The following NDE1 variants were observed in gnomAD, a reference collection of about 807,000 sequenced individuals.
NDE1 encodes the protein nuclear distribution protein nudE homolog 1.
A neutral mutation model predicts 43.4 loss-of-function variants in NDE1; 28 were observed. That is an observed-to-expected ratio of 0.65 (90% CI 0.48 to 0.89). NDE1 has a LOEUF of 0.89. Ranked by LOEUF, NDE1 falls within the 40% of genes least tolerant of loss-of-function variation. The probability of loss-of-function intolerance (pLI) is 0.00; values close to 1 mark genes in which losing one functional copy is unlikely to be tolerated. For synonymous variants in NDE1, 184 were observed against 172.0 expected, an observed-to-expected ratio of 1.07 and a Z score of -0.55; for missense variants, 441 against 434.1, an observed-to-expected ratio of 1.02 and a Z score of -0.14.
rs1567700180 is a variant in NDE1 at position 15,724,557 on chromosome 16, C to A, written c.*306C>A. On this transcript the variant is annotated 3_prime_UTR_variant, in exon 9 of 9. Coordinates refer to ENST00000396354, the MANE Select transcript of NDE1 (RefSeq NM_017668.3). ...AGCTGGGGGGTCAAGCACCATCGCA[C>A]CAACACTCCACCGCGATCTGCCTGC... 6.2e-7 allele frequency: 1 copy of A among 1,608,502 alleles called. No homozygotes were observed.
intron 8 of NDE1, among the ~76,000 whole-genome samples, chr16:15,707,970 AAAAAAAAAAG>A (rs1463339109): frequency 3.3e-5 from 5 of 151,500 alleles, no homozygotes; most frequent in African/African-American, 9.8e-5. Flanking sequence ...AAAAAAAAAA[AAAAAAAAAAG>A]CAAAATCCCA....
In NDE1 at chr16:15,725,048, A is replaced by C. The variant is rs1384455578; in HGVS notation, c.*797A>C. ...GCCTCTAGAAGGGGATCCTCGTTGA[A>C]AGGAGCCCTTTTTACTCAAAACACA... On this transcript the variant is annotated 3_prime_UTR_variant, in exon 9 of 9. Transcript: ENST00000396354. 4.7e-6 allele frequency: 7 copies of C among 1,482,566 alleles called. No homozygotes were observed. Among genetic ancestry groups the C allele is most frequent in the Non-Finnish European group, 6.5e-6 (7 of 1,072,166 alleles). The allele number at this position is 1,482,566 out of a possible 1,614,324, so 91.8% of individuals were successfully genotyped here.
chr16:15,655,734 G>GA (rs1433950075), intron 1 of NDE1, among the ~76,000 whole-genome samples: 1 of 152,000 alleles, frequency 6.6e-6, no homozygotes, highest in African/African-American at 2.4e-5. Context: ...CAACCCAAAT[G>GA]TCCAGCAATG....
Position 15,650,347 on chromosome 16 carries a change from C to T in NDE1, c.-44+53C>T, listed in dbSNP as rs573049840. The T allele has an allele frequency of 1.8e-3, 402 of 224,642 alleles. 5 individuals are homozygous for T. Among genetic ancestry groups the T allele is most frequent in the African/African-American group, 8.7e-3 (369 of 42,174 alleles). 13.9% of individuals were successfully genotyped at this position (224,642 alleles called of 1,614,324 possible). Reference sequence around the variant, plus strand: ...GTCGGGGTGGCTGTCCGGGGACCTCCACCGCGGCTGAAAAGCTCCTCTGCC... The same window carrying T: ...GTCGGGGTGGCTGTCCGGGGACCTCTACCGCGGCTGAAAAGCTCCTCTGCC... On this transcript the variant is annotated intron_variant, in intron 1 of 8. Coordinates refer to ENST00000396354, the MANE Select transcript of NDE1 (RefSeq NM_017668.3).
chr16:15,687,091 T>TC, intron 4 of NDE1: 1 of 1,293,470 alleles, frequency 7.7e-7, no homozygotes. Flanking sequence ...CCACATGCAG[T>TC]CCTGATAGGG....
chr16:15,696,418 G>A (rs1374298923), intron 7 of NDE1, among the ~76,000 whole-genome samples: 1 of 151,318 alleles, frequency 6.6e-6, no homozygotes, highest in Non-Finnish European at 1.5e-5. Flanking sequence ...ATCTTACTTT[G>A]TGGCCCAGGC....
At chr16:15,696,937 C>A in intron 8 of NDE1, 77 bp downstream of exon 8, 1 of 1,580,506 alleles carries the variant, frequency 6.3e-7, no homozygotes, top group African/African-American at 1.4e-5. Flanking sequence ...ACCCCCAGCC[C>A]ACAGCCATGT....
chr16:15,721,511 C>T (rs770997238), intron 8 of NDE1: 1 of 1,614,242 alleles, frequency 6.2e-7, no homozygotes. Context: ...TCTTTGGCTT[C>T]CAAGGCCTCT....
exon 1 of NDE1, chr16:15,643,423 G>A (rs2036197858): frequency 1.1e-5 from 5 of 464,702 alleles, no homozygotes; most frequent in South Asian, 7.8e-5. Flanking sequence ...TTGTGGAGTC[G>A]AAAGGAACCT....
At position 15,724,512 on chromosome 16, in the gene NDE1, A is replaced by G; in HGVS notation, c.*261A>G. The G allele has an allele frequency of 6.2e-7, 1 of 1,608,038 alleles. No individual in the cohort carries two copies. The highest frequency in any genetic ancestry group is 1.1e-5 in the South Asian group (1 of 90,824). Reference sequence around the variant, plus strand: ...AGCGAAGACCATGTCTCCTCGTTGGAGAAACCCAATAGCAGGGGAAGCTGG... The same window carrying G: ...AGCGAAGACCATGTCTCCTCGTTGGGGAAACCCAATAGCAGGGGAAGCTGG... On this transcript the variant is annotated 3_prime_UTR_variant, in exon 9 of 9. Coordinates refer to ENST00000396354, the MANE Select transcript of NDE1 (RefSeq NM_017668.3).
chr16:15,703,015 T>C (rs1340864730), intron 8 of NDE1, among the ~76,000 whole-genome samples: 4 of 152,170 alleles, frequency 2.6e-5, no homozygotes, highest in Non-Finnish European at 5.9e-5. Context: ...TAGGCCTCAG[T>C]TTCTGCATTC....
Position 15,717,216 on chromosome 16 carries a change from A to G in NDE1, c.948-6975A>G, listed in dbSNP as rs751355793. Reference sequence around the variant, plus strand: ...GCCGCGATGGTGGACTTGAACTTGGACTTGACGGCCCCCTCCATCTCGTGG... The same window carrying G: ...GCCGCGATGGTGGACTTGAACTTGGGCTTGACGGCCCCCTCCATCTCGTGG... On this transcript the variant is annotated intron_variant, in intron 8 of 8. Coordinates refer to ENST00000396354, the MANE Select transcript of NDE1 (RefSeq NM_017668.3). 5.6e-6 allele frequency: 9 copies of G among 1,613,952 alleles called. No individual in the cohort carries two copies. Among genetic ancestry groups the G allele is most frequent in the Non-Finnish European group, 8.5e-7 (1 of 1,180,014 alleles).
intron 8 of NDE1, among the ~76,000 whole-genome samples, chr16:15,698,165 A>G (rs1156881436): frequency 6.6e-6 from 1 of 152,040 alleles, no homozygotes; most frequent in African/African-American, 2.4e-5. Context: ...AGCCCAGACT[A>G]TGTTCCTGAA....
chr16:15,703,936 TTG>T (rs1567668342), intron 8 of NDE1: 1 of 1,612,674 alleles, frequency 6.2e-7, no homozygotes, highest in Non-Finnish European at 8.5e-7. Context: ...TTTTTTTTGT[TTG>T]TTTGTTTTGG....
At chr16:15,704,093 A>G (rs1242721939) in intron 8 of NDE1, 2 of 1,614,132 alleles carry the variant, frequency 1.2e-6, no homozygotes, top group Non-Finnish European at 1.7e-6. Context: ...CAGACCTTCT[A>G]GAAGGAACGA....
chr16:15,691,879 T>A (rs895474066), intron 6 of NDE1, among the ~76,000 whole-genome samples: 7 of 151,804 alleles, frequency 4.6e-5, no homozygotes, highest in Non-Finnish European at 1.0e-4. Flanking sequence ...TCCGCCCACC[T>A]CGGCTGATCC....
intron 5 of NDE1, among the ~76,000 whole-genome samples, chr16:15,687,902 T>TC (rs1364473242): frequency 6.6e-6 from 1 of 152,130 alleles, no homozygotes; most frequent in African/African-American, 2.4e-5. Context: ...TGTGGGGAGA[T>TC]CTGGCACAGT....
At chr16:15,709,535 G>A (rs1320310292) in intron 8 of NDE1, among the ~76,000 whole-genome samples, 4 of 151,974 alleles carry the variant, frequency 2.6e-5, no homozygotes, top group Admixed American at 6.6e-5. Flanking sequence ...TGCTGGTCTC[G>A]AACTCCTGAC....
chr16:15,646,967 T>C (rs1369013001), upstream of NDE1, among the ~76,000 whole-genome samples: 1 of 149,928 alleles, frequency 6.7e-6, no homozygotes, highest in Non-Finnish European at 1.5e-5. Context: ...GGAGAATCGC[T>C]TGAACCCGGG....
Sources: allele counts gnomAD v4.1 joint callset (sites outside exome capture counted in the v4.1 genomes callset), GRCh38; gene constraint gnomAD v4.1.1; transcripts MANE v1.5; gene names NCBI Gene and HGNC (gene_info 2026-07-23, HGNC 2026-07-21).